The following PLCL1 variants were observed in gnomAD, a reference collection of about 807,000 sequenced individuals.
PLCL1 encodes phospholipase C like 1 (inactive).
In PLCL1, 41 loss-of-function variants were observed where a neutral mutation model predicts 84.4. The observed-to-expected ratio is 0.49, with a 90% CI of 0.38 to 0.63. The LOEUF (loss-of-function observed/expected upper bound fraction) is 0.63, where lower values mean the gene tolerates loss of function less well. Ranked by LOEUF, PLCL1 falls within the 30% of genes least tolerant of loss-of-function variation. PLCL1 has a pLI of 0.00. For synonymous variants in PLCL1, 490 were observed against 488.3 expected (o/e 1.00, Z -0.05); for missense variants, 1,206 against 1,367.8 (o/e 0.88, Z 1.87).
At chr2:198,135,597 T>G (rs1335563723) in intron 5 of PLCL1, among the ~76,000 whole-genome samples, 3 of 152,190 alleles carry the variant, frequency 2.0e-5, no homozygotes, top group Non-Finnish European at 2.9e-5. Flanking sequence ...AAGTTTAGCT[T>G]GGGGTTTTCT....
rs1489330734 is a variant in PLCL1, at chr2:197,819,462, CAG to C, written c.240+14128_240+14129del. Among the ~76,000 whole-genome samples the C allele has an allele frequency of 2.6e-5, 4 of 152,112 alleles. No homozygotes were observed. The East Asian group carries it at 7.7e-4, about 29-fold the overall frequency. On this transcript the variant is annotated intron_variant, in intron 1 of 5. Coordinates refer to ENST00000428675, the MANE Select transcript of PLCL1 (RefSeq NM_006226.4). ...CAGTAATAACTGGAGTATAGAGAAA[CAG>C]AGAGGATCTGAGAATGAGCAGTTAG... is the stretch of plus-strand genomic sequence containing the variant.
At position 198,084,717 on chromosome 2, in the gene PLCL1, G is replaced by A. The variant is rs778849357; in HGVS notation, c.1200G>A (p.Met400Ile). The A allele has an allele frequency of 4.3e-6, 7 of 1,613,848 alleles. No homozygotes were observed. ...DPEQKKVAQDMTQPLSHYYIN... is the reference protein window; with the variant it reads ...DPEQKKVAQDITQPLSHYYIN... Reference sequence around the variant, plus strand: ...AGCAAAAGAAGGTTGCCCAAGATATGACCCAGCCATTATCTCACTACTATA... The same window carrying A: ...AGCAAAAGAAGGTTGCCCAAGATATAACCCAGCCATTATCTCACTACTATA... Residue 400 changes from methionine to isoleucine, a missense_variant, in exon 2 of 6, where the codon ATG becomes ATA. Physicochemically the swap from Met to Ile is conservative, Grantham distance 10. Transcript: ENST00000428675.
chr2:198,084,823 A>G lies in PLCL1; in HGVS notation c.1306A>G (p.Lys436Glu). 2 of 1,614,080 alleles carry G rather than the reference A, an allele frequency of 1.2e-6. No individual in the cohort carries two copies. The highest frequency in any genetic ancestry group is 1.7e-6 in the Non-Finnish European group (2 of 1,179,956). The stretch of plus-strand genomic sequence containing the variant: ...CATCAATGGGTACATTAGAGCTTTG[A>G]AAATGGGCTGTCGAAGCGTTGAACT... ...ADINGYIRAL[K>E]MGCRSVELDV... The change falls in exon 2 of 6, where the codon AAA becomes GAA. Residue 436 changes from lysine to glutamate, a missense_variant. Lys to Glu is a moderately conservative substitution (Grantham distance 56). Transcript: ENST00000428675.
chr2:198,000,448 A>G (rs994288575), intron 1 of PLCL1, among the ~76,000 whole-genome samples: 3 of 152,172 alleles, frequency 2.0e-5, no homozygotes, highest in African/African-American at 4.8e-5. Flanking sequence ...TCAATTTAAC[A>G]CTGGTAATAT....
At chr2:198,071,704 TA>T (rs1692468621) in intron 1 of PLCL1, among the ~76,000 whole-genome samples, 1 of 151,884 alleles carries the variant, frequency 6.6e-6, no homozygotes, top group African/African-American at 2.4e-5. Flanking sequence ...TTCAATTTTT[TA>T]AAAAATATCA....
At chr2:198,112,090 G>A (rs1488545516) in intron 5 of PLCL1, among the ~76,000 whole-genome samples, 2 of 151,866 alleles carry the variant, frequency 1.3e-5, no homozygotes, top group African/African-American at 4.8e-5. Context: ...CACTTTTCTA[G>A]TGGAAAATAG....
intron 5 of PLCL1, among the ~76,000 whole-genome samples, chr2:198,141,541 T>C (rs1012718774): frequency 2.0e-5 from 3 of 152,058 alleles, no homozygotes; most frequent in African/African-American, 7.2e-5. Flanking sequence ...TTTTAATTTC[T>C]CAAATGAAGG....
At chr2:198,057,928 A>G (rs896845348) in intron 1 of PLCL1, among the ~76,000 whole-genome samples, 3 of 152,184 alleles carry the variant, frequency 2.0e-5, no homozygotes, top group Non-Finnish European at 4.4e-5. Flanking sequence ...CTGAAAATGC[A>G]TTTAGCTTGT....
At chr2:197,844,317 C>A in intron 1 of PLCL1, among the ~76,000 whole-genome samples, 1 of 152,056 alleles carries the variant, frequency 6.6e-6, no homozygotes, top group Non-Finnish European at 1.5e-5. Flanking sequence ...TAATTTCTGA[C>A]CCCGTAGGTT....
At chr2:197,933,660 C>A (rs1688993601) in intron 1 of PLCL1, among the ~76,000 whole-genome samples, 1 of 152,066 alleles carries the variant, frequency 6.6e-6, no homozygotes, top group Non-Finnish European at 1.5e-5. Flanking sequence ...TAATTGAGAG[C>A]TAATGGAAGT....
chr2:198,032,636 T>G (rs923892650), intron 1 of PLCL1, among the ~76,000 whole-genome samples: 3 of 152,266 alleles, frequency 2.0e-5, no homozygotes, highest in Admixed American at 2.0e-4. Flanking sequence ...ATCTAGTGTG[T>G]GCTAGAATCT....
At chr2:197,849,779 G>A (rs962612039) in intron 1 of PLCL1, among the ~76,000 whole-genome samples, 2 of 152,088 alleles carry the variant, frequency 1.3e-5, no homozygotes, top group African/African-American at 4.8e-5. Flanking sequence ...AAGGAACTGA[G>A]CACATCTCCT....
At chr2:197,936,962 G>T (rs1366921735) in intron 1 of PLCL1, among the ~76,000 whole-genome samples, 2 of 152,062 alleles carry the variant, frequency 1.3e-5, no homozygotes, top group African/African-American at 4.8e-5. Flanking sequence ...TTTTGAATTT[G>T]GTGTGAGATA....
intron 1 of PLCL1, among the ~76,000 whole-genome samples, chr2:197,982,215 G>GTA (rs150185032): frequency 0.07 from 10,531 of 149,494 alleles, 400 homozygotes; most frequent in Non-Finnish European, 0.081. Flanking sequence ...ATATATATAT[G>GTA]TATATATATA....
chr2:198,146,352 C>T (rs902511116), intron 5 of PLCL1, among the ~76,000 whole-genome samples: 3 of 152,118 alleles, frequency 2.0e-5, no homozygotes, highest in African/African-American at 7.2e-5. Context: ...AGCTCTTGTA[C>T]AGAGGGGGAG....
At chr2:197,894,464 A>T (rs923119727) in intron 1 of PLCL1, among the ~76,000 whole-genome samples, 2 of 152,024 alleles carry the variant, frequency 1.3e-5, no homozygotes, top group African/African-American at 4.8e-5. Context: ...CTATAATTAC[A>T]TGGGAGAAGA....
At chr2:198,061,522 T>C (rs1453456398) in intron 1 of PLCL1, among the ~76,000 whole-genome samples, 1 of 152,094 alleles carries the variant, frequency 6.6e-6, no homozygotes, top group African/African-American at 2.4e-5. Flanking sequence ...GCTGGCTTCA[T>C]TGGTATATGA....
At chr2:198,034,761 T>G (rs2105852804) in intron 1 of PLCL1, among the ~76,000 whole-genome samples, 1 of 152,328 alleles carries the variant, frequency 6.6e-6, no homozygotes, top group Admixed American at 6.5e-5. Context: ...CCAATTTTTG[T>G]GGTCTAGGAA....
chr2:197,929,948 A>AT (rs1448616776), intron 1 of PLCL1, among the ~76,000 whole-genome samples: 1 of 152,132 alleles, frequency 6.6e-6, no homozygotes, highest in Non-Finnish European at 1.5e-5. Flanking sequence ...TTCTTTTGAC[A>AT]TTTTTTCTCC....
Sources: gnomAD v4.1 joint callset for allele counts (sites outside exome capture counted in the v4.1 genomes callset) on GRCh38, gnomAD v4.1.1 for gene constraint, MANE v1.5 for transcripts, NCBI Gene and HGNC (gene_info 2026-07-23, HGNC 2026-07-21) for gene names.